The following LAMC1 variants were observed in gnomAD, a reference collection of about 807,000 sequenced individuals.
The protein encoded by LAMC1 is laminin subunit gamma 1.
LAMC1 carries 38 observed loss-of-function variants against 173.6 expected under a neutral mutation model. The observed-to-expected ratio is 0.22, with a 90% CI of 0.17 to 0.29. LAMC1 has a LOEUF of 0.29. LAMC1 is among the 10% of genes least tolerant of loss of function. LAMC1 has a pLI of 1.00. For synonymous variants in LAMC1, 746 were observed against 749.1 expected (o/e 1.00, Z 0.07); for missense variants, 1,824 against 2,051.8 (o/e 0.89, Z 2.14).
chr1:183,072,566 G>T (rs185167674), intron 1 of LAMC1, among the ~76,000 whole-genome samples: 42 of 152,308 alleles, frequency 2.8e-4, no homozygotes, highest in African/African-American at 1.0e-3. Flanking sequence ...GACTATTGAG[G>T]TGTGATTAAT....
intron 1 of LAMC1, among the ~76,000 whole-genome samples, chr1:183,044,537 T>G (rs4366285): frequency 0.34 from 51,214 of 151,956 alleles, 9,722 homozygotes; most frequent in East Asian, 0.49. Flanking sequence ...ATCAGAAGAT[T>G]CAATTCTAAA....
chr1:183,030,335 G>A (rs1653817377), intron 1 of LAMC1, among the ~76,000 whole-genome samples: 1 of 152,190 alleles, frequency 6.6e-6, no homozygotes, highest in Non-Finnish European at 1.5e-5. Flanking sequence ...AGTCCTAAGT[G>A]AGAGATGCAA....
chr1:183,138,108 A>G (rs1266445452), intron 26 of LAMC1: 1 of 473,826 alleles, frequency 2.1e-6, no homozygotes, highest in Non-Finnish European at 2.8e-6. Context: ...ATGTGTTTAT[A>G]TTTTTCACTG....
At chr1:183,085,217 CAAA>C (rs111855460) in intron 1 of LAMC1, among the ~76,000 whole-genome samples, 1 of 107,162 alleles carries the variant, frequency 9.3e-6, no homozygotes. Context: ...GACTCTGTCT[CAAA>C]AAAAAAAAAA....
rs554598312 is a variant in LAMC1, at chr1:183,111,869, T to A, written c.1021+1215T>A. Among the ~76,000 whole-genome samples the A allele has an allele frequency of 1.7e-4, 26 of 152,250 alleles. No individual in the cohort carries two copies. The South Asian group carries it at 2.3e-3, about 13-fold the overall frequency. ...GGCCAACATGGTGAAACCCCGTCTC[T>A]ACTAAAAATAGAAAAATTAGCCAGG... On this transcript the variant is annotated intron_variant, in intron 4 of 27. Coordinates refer to ENST00000258341, the MANE Select transcript of LAMC1 (RefSeq NM_002293.4).
chr1:183,138,398 A>G (rs1007117006), intron 26 of LAMC1: 16 of 157,760 alleles, frequency 1.0e-4, no homozygotes, highest in African/African-American at 3.4e-4. Flanking sequence ...GTTCTATGCT[A>G]TATTTTGCTT....
chr1:183,127,112 A>C, intron 16 of LAMC1, 114 bp from the exon 17 acceptor site: 1 of 952,566 alleles, frequency 1.0e-6, no homozygotes, highest in Non-Finnish European at 1.5e-6. Context: ...TGTTTTTCAA[A>C]AAAATTATGA....
chr1:183,124,022 C>G (rs1464942046), intron 13 of LAMC1, among the ~76,000 whole-genome samples: 1 of 152,198 alleles, frequency 6.6e-6, no homozygotes, highest in Non-Finnish European at 1.5e-5. Flanking sequence ...AGCTCTCCCT[C>G]TCTACCTGTC....
chr1:183,078,431 A>G (rs1655175087), intron 1 of LAMC1, among the ~76,000 whole-genome samples: 1 of 151,932 alleles, frequency 6.6e-6, no homozygotes, highest in Non-Finnish European at 1.5e-5. Context: ...AATACAAAAA[A>G]ATTAGCCGGG....
At chr1:183,136,342 CT>C in intron 24 of LAMC1, 43 bp from the exon 25 acceptor site, 1 of 1,561,732 alleles carries the variant, frequency 6.4e-7, no homozygotes, top group South Asian at 1.1e-5. Context: ...CCCCTTTTTA[CT>C]TGTTGGGAGT....
chr1:183,116,820 C>T lies in LAMC1; in HGVS notation c.1481C>T (p.Pro494Leu). 1.9e-6 allele frequency: 3 copies of T among 1,613,918 alleles called. No homozygotes were observed. Among genetic ancestry groups the T allele is most frequent in the Non-Finnish European group, 2.5e-6 (3 of 1,179,854 alleles). The change falls in exon 8 of 28, where the codon CCC (proline) becomes CTC (leucine). Residue 494 changes from proline to leucine, a missense_variant. Transcript: ENST00000258341. Reference protein sequence around the residue: ...LESSNPRGCTPCFCFGHSSVC... With the variant: ...LESSNPRGCTLCFCFGHSSVC... ...TCATCTAATCCTCGGGGTTGCACAC[C>T]CTGCTTCTGCTTTGGGCATTCTTCT...
chr1:183,134,432 G>T (rs1202375799), intron 22 of LAMC1, among the ~76,000 whole-genome samples: 1 of 152,132 alleles, frequency 6.6e-6, no homozygotes, highest in Non-Finnish European at 1.5e-5. Context: ...TGGGGTGTTG[G>T]TTATGCAGAA....
At chr1:183,084,297 CGCGCCGCCGCACTCCA>C (rs1182952376) in intron 1 of LAMC1, among the ~76,000 whole-genome samples, 14 of 151,484 alleles carry the variant, frequency 9.2e-5, no homozygotes, top group Non-Finnish European at 1.9e-4. Context: ...GAGCCAAGAT[CGCGCCGCCGCACTCCA>C]GCCTGGGCGT....
At chr1:183,077,799 G>GTATATATATATATATATATATA (rs1484072068) in intron 1 of LAMC1, among the ~76,000 whole-genome samples, 3 of 97,512 alleles carry the variant, frequency 3.1e-5, no homozygotes, top group Non-Finnish European at 7.1e-5. Flanking sequence ...TATATATACA[G>GTATATATATATATATATATATA]TAGCACAGTT....
At chr1:183,137,866 G>A in intron 26 of LAMC1, 39 bp downstream of exon 26, 1 of 1,535,222 alleles carries the variant, frequency 6.5e-7, no homozygotes, top group Non-Finnish European at 8.8e-7. Context: ...GGCAGAAAGT[G>A]AACAGTGTTT....
intron 13 of LAMC1, among the ~76,000 whole-genome samples, chr1:183,123,544 A>G (rs1042722305): frequency 3.3e-5 from 5 of 152,090 alleles, no homozygotes; most frequent in Non-Finnish European, 7.4e-5. Flanking sequence ...TCCCTTGGAT[A>G]TTATCCTGGC....
rs755413978 is a variant in LAMC1 at position 183,133,559 on chromosome 1, G to A, written c.3849+9G>A. The stretch of plus-strand genomic sequence containing the variant: ...ACTCTGAGACACTGGAGGTATGGGG[G>A]CAGCCTGTACGCACAGCCCCACCCC... On this transcript the variant is annotated intron_variant, in intron 22 of 27. Transcript: ENST00000258341. 7 of 1,605,572 alleles carry A rather than the reference G, an allele frequency of 4.4e-6. No individual in the cohort carries two copies. Among genetic ancestry groups the A allele is most frequent in the Non-Finnish European group, 6.0e-6 (7 of 1,174,786 alleles).
rs571398231 is a variant in LAMC1 at position 183,134,177 on chromosome 1, A to G, written c.3850-483A>G. On this transcript the variant is annotated intron_variant, in intron 22 of 27. Transcript: ENST00000258341. Reference sequence around the variant, plus strand: ...TGGTATTTTTTTTGCATTAAGCTTGAGGTTTACTAAGTTTCACTTCTTATA... The same window carrying G: ...TGGTATTTTTTTTGCATTAAGCTTGGGGTTTACTAAGTTTCACTTCTTATA... 1.5e-3 allele frequency among the ~76,000 whole-genome samples: 228 copies of G among 152,262 alleles called. 1 individual carries two copies. The highest frequency in any genetic ancestry group is 5.3e-3 in the African/African-American group (221 of 41,554).
At chr1:183,098,452 A>C (rs950898897) in intron 1 of LAMC1, among the ~76,000 whole-genome samples, 1 of 152,098 alleles carries the variant, frequency 6.6e-6, no homozygotes, top group Admixed American at 6.5e-5. Context: ...TTTCTTTTAC[A>C]TTGGCAGAGG....
Sources: gnomAD v4.1 joint callset for allele counts (sites outside exome capture counted in the v4.1 genomes callset) on GRCh38, gnomAD v4.1.1 for gene constraint, MANE v1.5 for transcripts, NCBI Gene and HGNC (gene_info 2026-07-23, HGNC 2026-07-21) for gene names.